Variants in ZNF208 observed in about 807,000 individuals in gnomAD.
The protein encoded by ZNF208 is zinc finger protein 95.
ZNF208 carries 10 observed loss-of-function variants against 12.1 expected under a neutral mutation model. The ratio of observed to expected loss-of-function variants is 0.83; its 90% CI spans 0.51 to 1.40. The LOEUF (loss-of-function observed/expected upper bound fraction) is 1.40, where lower values mean the gene tolerates loss of function less well. Ranked by LOEUF, ZNF208 falls within the 40% of genes most tolerant of loss-of-function variation. The probability of loss-of-function intolerance (pLI) is 0.00; values close to 1 mark genes in which losing one functional copy is unlikely to be tolerated. For missense variants in ZNF208, 1,652 were observed against 1,485.0 expected, an observed-to-expected ratio of 1.11 and a Z score of -1.85; for synonymous variants, 497 against 488.4, an observed-to-expected ratio of 1.02 and a Z score of -0.23.
downstream of ZNF208, among the ~76,000 whole-genome samples, chr19:21,965,167 G>C (rs1022918849): frequency 2.6e-5 from 4 of 151,900 alleles, no homozygotes; most frequent in African/African-American, 9.7e-5. Context: ...GAAATTTTAG[G>C]TGTCTGTATG....
Position 21,972,044 on chromosome 19 carries a change from C to A in ZNF208, c.2990G>T (p.Gly997Val), listed in dbSNP as rs777218538. 17 of 1,613,548 alleles carry A rather than the reference C, an allele frequency of 1.1e-5. No homozygotes were observed. The highest frequency in any genetic ancestry group is 4.5e-5 in the East Asian group (2 of 44,852). The change falls in exon 4 of 4, where the codon GGA (glycine) becomes GTA (valine). Residue 997 changes from glycine (G) to valine (V), a missense_variant. Physicochemically the swap from Gly to Val is moderately radical, Grantham distance 109 (BLOSUM62 -3). Coordinates refer to ENST00000397126, the MANE Select transcript of ZNF208 (RefSeq NM_007153.3). ...ILTKHKVIHT[G>V]EKPYKCEECG... Reference sequence around the variant, plus strand: ...TTCTTCACATTTGTAGGGTTTCTCTCCAGTATGAATTACCTTATGTTTAGT... The same window carrying A: ...TTCTTCACATTTGTAGGGTTTCTCTACAGTATGAATTACCTTATGTTTAGT...
chr19:21,943,459 T>A (rs145793825), intron 4 of ZNF208, among the ~76,000 whole-genome samples: 1 of 152,238 alleles, frequency 6.6e-6, no homozygotes, highest in African/African-American at 2.4e-5. Flanking sequence ...AGTGGCATAC[T>A]AATAAAAATG....
intron 1 of ZNF208, among the ~76,000 whole-genome samples, chr19:22,008,161 G>T (rs1971081254): frequency 6.6e-6 from 1 of 151,290 alleles, no homozygotes; most frequent in Non-Finnish European, 1.5e-5. Flanking sequence ...AAATTAGCCG[G>T]GTGTGGTGGT....
In ZNF208 at chr19:21,990,590, C is replaced by G. The variant is rs1361738274; in HGVS notation, c.4-1681G>C. On this transcript the variant is annotated intron_variant, in intron 1 of 3. Coordinates refer to ENST00000397126, the MANE Select transcript of ZNF208 (RefSeq NM_007153.3). ...TGGTGATGCAGGCTCTTTTTTGGTT[C>G]CATATGAATTTTAAAGTAGTTTTTT... Among the ~76,000 whole-genome samples, 13 of 152,076 alleles carry G rather than the reference C, an allele frequency of 8.5e-5. No homozygotes were observed. The East Asian group carries it at 2.5e-3, about 29-fold the overall frequency.
rs775803252 is a variant in ZNF208 at position 21,972,629 on chromosome 19, T to C, written c.2405A>G (p.Glu802Gly). 1 of 1,613,440 alleles carries C rather than the reference T, an allele frequency of 6.2e-7. No homozygotes were observed. Among genetic ancestry groups the C allele is most frequent in the Non-Finnish European group, 8.5e-7 (1 of 1,179,892 alleles). ...ACATTCTTCACATTTGTAGGGTTTC[T>C]CATCAGTATGAATTCTCTTATGTTT... The part of the protein sequence containing the change: ...LIKHKRIHTD[E>G]KPYKCEECGK... Residue 802 changes from glutamate to glycine, a missense_variant, in exon 4 of 4, where the codon GAG (glutamate) becomes GGG (glycine). Glu to Gly is a moderately conservative substitution (Grantham distance 98, BLOSUM62 -2). Around this residue, in one of 3 missense-constraint regions of ZNF208, gnomAD observed 1,239 missense variants for 1,086.2 expected, o/e 1.14. Transcript: ENST00000397126.
chr19:21,958,521 A>ATAAC (rs1204384883), intron 4 of ZNF208, among the ~76,000 whole-genome samples: 1 of 152,206 alleles, frequency 6.6e-6, no homozygotes, highest in African/African-American at 2.4e-5. Context: ...CTTAGCAAAT[A>ATAAC]TAACTATAGC....
chr19:22,003,641 G>C (rs1970994109), intron 1 of ZNF208, among the ~76,000 whole-genome samples: 1 of 152,118 alleles, frequency 6.6e-6, no homozygotes, highest in African/African-American at 2.4e-5. Context: ...TCTCAAACCA[G>C]TGAGAATGGC....
At chr19:21,947,489 T>A (rs1248771245) in intron 4 of ZNF208, among the ~76,000 whole-genome samples, 1 of 152,180 alleles carries the variant, frequency 6.6e-6, no homozygotes, top group Non-Finnish European at 1.5e-5. Context: ...GGGATTGTTC[T>A]CCATAGGAAG....
At chr19:21,985,942 G>T (rs746204619) in intron 3 of ZNF208, among the ~76,000 whole-genome samples, 3 of 152,152 alleles carry the variant, frequency 2.0e-5, no homozygotes, top group Non-Finnish European at 4.4e-5. Flanking sequence ...AAAGTCCTGA[G>T]GGATATTTAC....
Position 21,968,774 on chromosome 19 carries a change from C to T in ZNF208, c.*2417G>A, listed in dbSNP as rs58974981. 0.62 allele frequency among the ~76,000 whole-genome samples: 93,351 copies of T among 151,366 alleles called. 29,457 individuals carry two copies. The highest frequency in any genetic ancestry group is 0.74 in the African/African-American group (30,545 of 41,294). On this transcript the variant is annotated 3_prime_UTR_variant, in exon 4 of 4. Coordinates refer to ENST00000397126, the MANE Select transcript of ZNF208 (RefSeq NM_007153.3). Reference sequence around the variant, plus strand: ...CAGTAGGCTTAGGTAAAACTCTTTGCAATGTGGTAAAACTTCGCTGTGATT... The same window carrying T: ...CAGTAGGCTTAGGTAAAACTCTTTGTAATGTGGTAAAACTTCGCTGTGATT...
chr19:21,972,098 C>T lies in ZNF208; in HGVS notation c.2936G>A (p.Gly979Asp), dbSNP rs777985702. ...EEKPYKYEEC[G>D]KGFSTFSILT... is the part of the protein sequence containing the mutation. ...GATTGAGAATGTACTAAAGCCTTTGCCACATTCTTCATATTTGTAAGGTTT... is the reference window on the plus strand; with the variant it reads ...GATTGAGAATGTACTAAAGCCTTTGTCACATTCTTCATATTTGTAAGGTTT... The change falls in exon 4 of 4, where the codon GGC becomes GAC. Residue 979 changes from glycine to aspartate, a missense_variant. By Grantham distance (94) the Gly-to-Asp change is moderately conservative. Coordinates refer to ENST00000397126, the MANE Select transcript of ZNF208 (RefSeq NM_007153.3). 3.1e-6 allele frequency: 5 copies of T among 1,613,034 alleles called. No homozygotes were observed. Among genetic ancestry groups the T allele is most frequent in the African/African-American group, 1.3e-5 (1 of 74,676 alleles).
At chr19:21,955,763 A>T (rs1969964102) in intron 4 of ZNF208, among the ~76,000 whole-genome samples, 1 of 152,072 alleles carries the variant, frequency 6.6e-6, no homozygotes, top group Non-Finnish European at 1.5e-5. Context: ...CTTCATTGAG[A>T]TGGGTTCGAA....
chr19:21,962,895 A>T (rs1970099457), downstream of ZNF208, among the ~76,000 whole-genome samples: 1 of 152,156 alleles, frequency 6.6e-6, no homozygotes, highest in Admixed American at 6.6e-5. Context: ...ATTATCTGAA[A>T]TAAGGATATT....
chr19:21,963,150 G>A (rs1214409893), downstream of ZNF208, among the ~76,000 whole-genome samples: 7 of 152,030 alleles, frequency 4.6e-5, no homozygotes, highest in Non-Finnish European at 8.8e-5. Flanking sequence ...ATGATGAAGA[G>A]CACTTGTTTT....
intron 1 of ZNF208, among the ~76,000 whole-genome samples, chr19:22,000,658 A>G (rs7249472): frequency 0.59 from 89,113 of 151,908 alleles, 26,404 homozygotes; most frequent in East Asian, 0.69. Context: ...ACTGAGAGCA[A>G]CAAAAGCAAA....
At chr19:21,963,721 G>GA (rs2145531711), downstream of ZNF208, among the ~76,000 whole-genome samples, 2 of 151,904 alleles carry the variant, frequency 1.3e-5, no homozygotes, top group South Asian at 2.1e-4. Context: ...TTGCTTGGCT[G>GA]AAAAAAATAA....
At chr19:21,978,729 G>A (rs1457522227) in intron 3 of ZNF208, among the ~76,000 whole-genome samples, 2 of 152,242 alleles carry the variant, frequency 1.3e-5, no homozygotes, top group South Asian at 2.1e-4. Flanking sequence ...TGAGTTTGAC[G>A]AATTGACAGC....
chr19:21,980,754 C>CA (rs762366991), intron 3 of ZNF208, among the ~76,000 whole-genome samples: 22 of 151,816 alleles, frequency 1.4e-4, no homozygotes, highest in East Asian at 3.9e-4. Flanking sequence ...AAAAATCCTT[C>CA]AAAAAAATCA....
chr19:21,980,152 A>G (rs1387735024), intron 3 of ZNF208, among the ~76,000 whole-genome samples: 3 of 152,142 alleles, frequency 2.0e-5, no homozygotes, highest in South Asian at 2.1e-4. Context: ...CCCAGTGTCA[A>G]TATTAGCCAG....
Sources: allele counts gnomAD v4.1 joint callset (sites outside exome capture counted in the v4.1 genomes callset), GRCh38; gene constraint gnomAD v4.1.1; regional missense constraint gnomAD v4.1.1; transcripts MANE v1.5; gene names NCBI Gene and HGNC (gene_info 2026-07-23, HGNC 2026-07-21).